Variants in RAP1GAP2 observed in about 807,000 individuals in gnomAD.
RAP1GAP2 encodes RAP1 GTPase activating protein 2, also known as rap1 GTPase-activating protein 2.
RAP1GAP2 carries 27 observed loss-of-function variants against 95.0 expected under a neutral mutation model. The ratio of observed to expected loss-of-function variants is 0.28; its 90% CI spans 0.21 to 0.39. The LOEUF (loss-of-function observed/expected upper bound fraction) is 0.39, where lower values mean the gene tolerates loss of function less well. Ranked by LOEUF, RAP1GAP2 falls within the 10% of genes least tolerant of loss-of-function variation. The pLI is 1.00. For synonymous variants in RAP1GAP2, 373 were observed against 380.9 expected, an observed-to-expected ratio of 0.98 and a Z score of 0.24; for missense variants, 771 against 970.0, an observed-to-expected ratio of 0.79 and a Z score of 2.72.
intron 1 of RAP1GAP2, among the ~76,000 whole-genome samples, chr17:2,769,533 T>C (rs1007979061): frequency 2.3e-4 from 35 of 150,638 alleles, no homozygotes; most frequent in Admixed American, 5.3e-4. Flanking sequence ...CCAGCCTGGG[T>C]GACAGAGCGA....
chr17:2,885,707 T>C (rs530186586), intron 2 of RAP1GAP2, among the ~76,000 whole-genome samples: 13 of 152,308 alleles, frequency 8.5e-5, no homozygotes, highest in African/African-American at 2.9e-4. Flanking sequence ...CCTCTTCCTG[T>C]CACCATTTGG....
rs34468461 is a variant in RAP1GAP2, at chr17:2,969,496, CTTTTT to C, written c.596+3872_596+3876del. Reference sequence around the variant, plus strand: ...GTAAAGATGTGTAAATATATATATTCTTTTTTTTTTTTTTTTTTTTTTTGAGATGG... The same window carrying C: ...GTAAAGATGTGTAAATATATATATTCTTTTTTTTTTTTTTTTTTGAGATGG... On this transcript the variant is annotated intron_variant, in intron 8 of 24. Transcript: ENST00000254695. Among the ~76,000 whole-genome samples, 430 of 83,778 alleles carry C rather than the reference CTTTTT, an allele frequency of 5.1e-3. 4 individuals are homozygous for C. Among genetic ancestry groups the C allele is most frequent in the African/African-American group, 0.018 (398 of 21,964 alleles). The allele number at this position is 83,778 out of a possible 152,430, so 55.0% of individuals were successfully genotyped here.
rs534337109 is a variant in RAP1GAP2, at chr17:2,952,995, A to G, written c.166-4764A>G. Among the ~76,000 whole-genome samples the G allele has an allele frequency of 1.1e-4, 16 of 151,760 alleles. No individual in the cohort carries two copies. In the South Asian group the frequency reaches 2.7e-3, roughly 26 times the overall value. ...AATTTTTGTTATTTTTAGTAGAGAC[A>G]GGGTTTCACTATGTTGGCCAGGCTG... On this transcript the variant is annotated intron_variant, in intron 3 of 24. Coordinates refer to ENST00000254695, the MANE Select transcript of RAP1GAP2 (RefSeq NM_015085.5).
chr17:2,996,488 A>G (rs969451739), intron 13 of RAP1GAP2, among the ~76,000 whole-genome samples: 5 of 152,154 alleles, frequency 3.3e-5, no homozygotes, highest in African/African-American at 1.2e-4. Flanking sequence ...CTTCTTAGGA[A>G]AGAAGGAAAT....
chr17:2,775,987 T>A (rs1292900733), upstream of RAP1GAP2, among the ~76,000 whole-genome samples: 2 of 152,170 alleles, frequency 1.3e-5, no homozygotes, highest in African/African-American at 4.8e-5. Context: ...GAGACCAGCC[T>A]GGCCAACATG....
rs896555426 is a variant in RAP1GAP2, at chr17:2,963,803, C to G, written c.280-53C>G. ...CGCAGAGGGGACACCGCCACCGGCCCCCTCCCTCCCCTGCGGTCCCAGGGG... is the reference window on the plus strand; with the variant it reads ...CGCAGAGGGGACACCGCCACCGGCCGCCTCCCTCCCCTGCGGTCCCAGGGG... On this transcript the variant is annotated intron_variant, in intron 6 of 24. Transcript: ENST00000254695. The surrounding 1 kb of genome is among the most constrained non-coding windows in gnomAD (Gnocchi z 4.8). The G allele has an allele frequency of 2.1e-6, 3 of 1,450,486 alleles. No homozygotes were observed. In the African/African-American group the frequency reaches 4.2e-5, roughly 20 times the overall value. 89.9% of individuals were successfully genotyped at this position (1,450,486 alleles called of 1,614,324 possible).
At chr17:2,894,169 C>G (rs2073812647) in intron 2 of RAP1GAP2, among the ~76,000 whole-genome samples, 2 of 151,744 alleles carry the variant, frequency 1.3e-5, no homozygotes, top group Non-Finnish European at 2.9e-5. Flanking sequence ...TGCCTGCAAT[C>G]CCAGCACCCA....
chr17:2,953,854 T>TA (rs1165952016), intron 3 of RAP1GAP2, among the ~76,000 whole-genome samples: 1 of 152,082 alleles, frequency 6.6e-6, no homozygotes, highest in Non-Finnish European at 1.5e-5. Context: ...TTTCAAAAAA[T>TA]AAAAAATAAA....
At chr17:2,834,008 C>G (rs1338111487) in intron 2 of RAP1GAP2, among the ~76,000 whole-genome samples, 1 of 152,152 alleles carries the variant, frequency 6.6e-6, no homozygotes, top group Non-Finnish European at 1.5e-5. Context: ...AAGCACTGTC[C>G]TCCGTAAGTC....
intron 10 of RAP1GAP2, 148 bp downstream of exon 10, chr17:2,981,396 C>A: frequency 1.3e-6 from 1 of 748,130 alleles, no homozygotes; most frequent in Non-Finnish European, 2.2e-6. Flanking sequence ...TCCCTGCCCA[C>A]CCCTTCACAA....
chr17:2,920,010 CTTTTTTTTT>C (rs34848214), intron 3 of RAP1GAP2, among the ~76,000 whole-genome samples: 2 of 116,960 alleles, frequency 1.7e-5, no homozygotes, highest in African/African-American at 6.1e-5. Context: ...CTCCTTTTTT[CTTTTTTTTT>C]TTTTTTTGAG....
At chr17:2,982,187 T>A (rs1371623769) in intron 10 of RAP1GAP2, among the ~76,000 whole-genome samples, 1 of 152,220 alleles carries the variant, frequency 6.6e-6, no homozygotes, top group African/African-American at 2.4e-5. Flanking sequence ...TCACCCAGGC[T>A]GGAGTGCAGT....
intron 2 of RAP1GAP2, among the ~76,000 whole-genome samples, chr17:2,839,450 T>C (rs79435533): frequency 0.16 from 24,134 of 152,230 alleles, 2,054 homozygotes; most frequent in Middle Eastern, 0.19. Flanking sequence ...ATTAGTGTGG[T>C]CCATTTGCTA....
At chr17:2,982,839 G>A (rs2045416706) in intron 10 of RAP1GAP2, among the ~76,000 whole-genome samples, 2 of 152,142 alleles carry the variant, frequency 1.3e-5, no homozygotes, top group African/African-American at 2.4e-5. Context: ...AAGAGCAGCT[G>A]TATTTTCATG....
At chr17:2,999,884 C>T (rs763608045) in intron 14 of RAP1GAP2, among the ~76,000 whole-genome samples, 24 of 152,144 alleles carry the variant, frequency 1.6e-4, no homozygotes, top group Non-Finnish European at 2.8e-4. Flanking sequence ...TGCCCAGGCT[C>T]ATGTGTCCCT....
rs191015064 is a variant in RAP1GAP2, at chr17:2,833,402, G to A, written c.80+32852G>A. On this transcript the variant is annotated intron_variant, in intron 2 of 24. Transcript: ENST00000254695. ...TCCACCCGCCTCAGCCTCCCAAAGT[G>A]TTGGGATTACAGGGGTGAGCCACCG... Among the ~76,000 whole-genome samples the A allele has an allele frequency of 4.1e-3, 625 of 152,118 alleles. 7 individuals are homozygous for A. The highest frequency in any genetic ancestry group is 0.014 in the African/African-American group (581 of 41,516).
chr17:3,020,674 C>A, intron 19 of RAP1GAP2, 79 bp downstream of exon 19: 1 of 1,307,214 alleles, frequency 7.6e-7, no homozygotes. Context: ...TGTTCAGTGC[C>A]CTACCTTGCA....
chr17:2,758,279 G>T (rs2071186210), intron 1 of RAP1GAP2, among the ~76,000 whole-genome samples: 1 of 134,350 alleles, frequency 7.4e-6, no homozygotes, highest in Non-Finnish European at 1.6e-5. Context: ...GGGTTCAAGT[G>T]ATTCCCCTGC....
chr17:2,964,908 C>A (rs561980818), intron 7 of RAP1GAP2: 4 of 152,482 alleles, frequency 2.6e-5, no homozygotes, highest in African/African-American at 9.7e-5. Context: ...TCTCACGTGA[C>A]GGGAGGCTGC....
Sources: gnomAD v4.1 joint callset for allele counts (sites outside exome capture counted in the v4.1 genomes callset) on GRCh38, gnomAD v4.1.1 for gene constraint, Gnocchi (gnomAD v3.1) non-coding constraint, MANE v1.5 for transcripts, NCBI Gene and HGNC (gene_info 2026-07-23, HGNC 2026-07-21) for gene names.